The following UNC93A variants were observed in gnomAD, a reference collection of about 807,000 sequenced individuals.
The protein encoded by UNC93A is N-acetylglucosamine transporter UNC93A.
A neutral mutation model predicts 47.5 loss-of-function variants in UNC93A; 43 were observed. The observed-to-expected ratio is 0.91, with a 90% confidence interval of 0.71 to 1.17. UNC93A has a LOEUF of 1.17. Ranked by LOEUF, UNC93A falls within the 50% of genes most tolerant of loss-of-function variation. The pLI is 0.00. For missense variants in UNC93A, 605 were observed against 577.6 expected (o/e 1.05, Z -0.49); for synonymous variants, 280 against 258.0 (o/e 1.09, Z -0.82).
At chr6:167,273,537 A>G (rs1214536284) in intron 1 of UNC93A, among the ~76,000 whole-genome samples, 1 of 152,222 alleles carries the variant, frequency 6.6e-6, no homozygotes, top group Non-Finnish European at 1.5e-5. Flanking sequence ...GTCTATAAAA[A>G]GAGCCAAACT....
chr6:167,276,059 CTTTTCT>C (rs1325276519), intron 1 of UNC93A, among the ~76,000 whole-genome samples: 1 of 132,346 alleles, frequency 7.6e-6, no homozygotes, highest in Non-Finnish European at 1.6e-5. Flanking sequence ...TTTTTCTTTT[CTTTTCT>C]TTTTTTTTTT....
intron 1 of UNC93A, among the ~76,000 whole-genome samples, chr6:167,292,651 G>A (rs1003937799): frequency 5.9e-5 from 9 of 152,148 alleles, no homozygotes; most frequent in African/African-American, 1.9e-4. Context: ...TTTTCTTGCC[G>A]CAATGGTTCA....
intron 1 of UNC93A, among the ~76,000 whole-genome samples, chr6:167,273,959 C>T (rs772084369): frequency 3.9e-5 from 6 of 152,038 alleles, no homozygotes; most frequent in Non-Finnish European, 5.9e-5. Context: ...TTAAAATGTG[C>T]CAGAAACTTA....
chr6:167,269,217 C>T (rs561341696), upstream of UNC93A, among the ~76,000 whole-genome samples: 19 of 152,302 alleles, frequency 1.2e-4, no homozygotes, highest in African/African-American at 3.9e-4. Context: ...GCGAGTGAGG[C>T]GCCCGTGCTG....
intron 1 of UNC93A, among the ~76,000 whole-genome samples, chr6:167,282,839 T>C (rs1783656093): frequency 2.0e-5 from 3 of 152,174 alleles, no homozygotes; most frequent in Admixed American, 2.0e-4. Flanking sequence ...GGTTCAGTCC[T>C]GAAAGGCGAG....
In UNC93A at chr6:167,313,814, C is replaced by G. The variant is rs1046054688; in HGVS notation, c.1109-1373C>G. On this transcript the variant is annotated intron_variant, in intron 7 of 7. Coordinates refer to ENST00000230256, the MANE Select transcript of UNC93A (RefSeq NM_018974.4). ...TAGAACCTTGGTTTTGGATCCCATGCTAACAGTCACCATCAAAAAACAGAC... is the reference window on the plus strand; with the variant it reads ...TAGAACCTTGGTTTTGGATCCCATGGTAACAGTCACCATCAAAAAACAGAC... 2.0e-5 allele frequency among the ~76,000 whole-genome samples: 3 copies of G among 152,088 alleles called. No homozygotes were observed. In the East Asian group the frequency reaches 5.8e-4, roughly 29 times the overall value.
chr6:167,297,007 C>G (rs1310264921), intron 3 of UNC93A, among the ~76,000 whole-genome samples: 1 of 152,154 alleles, frequency 6.6e-6, no homozygotes, highest in African/African-American at 2.4e-5. Context: ...CTCCCTTTTT[C>G]TCATGCGATG....
Position 167,303,904 on chromosome 6 carries a change from G to T in UNC93A, c.626-15G>T. On this transcript the variant is annotated splice_polypyrimidine_tract_variant and intron_variant, in intron 4 of 7. Coordinates refer to ENST00000230256, the MANE Select transcript of UNC93A (RefSeq NM_018974.4). Reference sequence around the variant, plus strand: ...GGCCCCCATGAAAGCTGAAGCCTTTGCTATGTCCTTTCAGGGAGTGGTGTC... The same window carrying T: ...GGCCCCCATGAAAGCTGAAGCCTTTTCTATGTCCTTTCAGGGAGTGGTGTC... 3 of 1,613,742 alleles carry T rather than the reference G, an allele frequency of 1.9e-6. No homozygotes were observed. In the South Asian group the frequency reaches 3.3e-5, roughly 18 times the overall value.
At chr6:167,294,719 G>GGC in intron 2 of UNC93A, 21 bp downstream of exon 2, 1 of 1,562,250 alleles carries the variant, frequency 6.4e-7, no homozygotes, top group South Asian at 1.2e-5. Context: ...ACCACCCCCT[G>GGC]CCCACCCCAC....
chr6:167,291,549 A>G lies in UNC93A; in HGVS notation c.60A>G (p.Thr20=). ...VVSFGFLLLF[T]AYGGLQSLQS... ...CCTTTGGGTTCCTGCTTCTCTTTACAGCCTATGGAGGTCTGCAGAGCCTGC... is the reference window on the plus strand; with the variant it reads ...CCTTTGGGTTCCTGCTTCTCTTTACGGCCTATGGAGGTCTGCAGAGCCTGC... The change falls in exon 1 of 8, where the codon ACA becomes ACG. Residue 20 remains threonine, a synonymous_variant. Coordinates refer to ENST00000230256, the MANE Select transcript of UNC93A (RefSeq NM_018974.4). 2 of 1,613,658 alleles carry G rather than the reference A, an allele frequency of 1.2e-6. No individual in the cohort carries two copies. The highest frequency in any genetic ancestry group is 2.2e-5 in the South Asian group (2 of 90,886).
intron 1 of UNC93A, among the ~76,000 whole-genome samples, chr6:167,278,011 A>T (rs1042090847): frequency 2.0e-5 from 3 of 152,150 alleles, no homozygotes; most frequent in Non-Finnish European, 2.9e-5. Context: ...TTCTTCTTGA[A>T]GCATCCTCTA....
At chr6:167,278,007 T>C (rs1783572077) in intron 1 of UNC93A, among the ~76,000 whole-genome samples, 1 of 152,156 alleles carries the variant, frequency 6.6e-6, no homozygotes, top group South Asian at 2.1e-4. Flanking sequence ...CGCTTTCTTC[T>C]TGAAGCATCC....
chr6:167,295,689 C>A (rs1263738508), intron 2 of UNC93A, among the ~76,000 whole-genome samples: 2 of 135,230 alleles, frequency 1.5e-5, no homozygotes, highest in Non-Finnish European at 3.1e-5. Flanking sequence ...TGCTCCTCGC[C>A]TGCCTCGTGC....
chr6:167,297,928 C>A lies in UNC93A; in HGVS notation c.500-17C>A, dbSNP rs74607052. 6,907 of 1,612,734 alleles carry A rather than the reference C, an allele frequency of 4.3e-3. 307 individuals are homozygous for A. In the African/African-American group the frequency reaches 0.08, roughly 19 times the overall value. ...TTTGCCGTCATCTCATGTCTCCTGT[C>A]CACTCTGACTTCATAGAGACCCTTC... is the stretch of plus-strand genomic sequence containing the variant. On this transcript the variant is annotated splice_polypyrimidine_tract_variant and intron_variant, in intron 3 of 7. Coordinates refer to ENST00000230256, the MANE Select transcript of UNC93A (RefSeq NM_018974.4).
chr6:167,296,043 T>G lies in UNC93A; in HGVS notation c.281T>G (p.Ile94Ser), dbSNP rs757783469. 1 of 1,614,064 alleles carries G rather than the reference T, an allele frequency of 6.2e-7. No individual in the cohort carries two copies. Among genetic ancestry groups the G allele is most frequent in the Non-Finnish European group, 8.5e-7 (1 of 1,179,988 alleles). Residue 94 changes from isoleucine to serine, a missense_variant, in exon 3 of 8, where the codon ATC becomes AGC. By Grantham distance (142) the Ile-to-Ser change is moderately radical (BLOSUM62 -2). Transcript: ENST00000230256. ...CATTTTACCCACAGGTACACTTTGA[T>G]CCCCACCTCCATACTGCTGGGACTC... ...GNFFASWYTL[I>S]PTSILLGLGA...
chr6:167,288,634 A>C (rs1042765104), upstream of UNC93A, among the ~76,000 whole-genome samples: 10 of 152,184 alleles, frequency 6.6e-5, no homozygotes, highest in African/African-American at 2.2e-4. Context: ...TTTATTAACA[A>C]AGATTTCAGA....
chr6:167,282,957 T>C (rs1275120887), intron 1 of UNC93A, among the ~76,000 whole-genome samples: 2 of 151,972 alleles, frequency 1.3e-5, no homozygotes, highest in African/African-American at 4.8e-5. Context: ...TAGAAAGGAG[T>C]GTCTAGGTTC....
intron 6 of UNC93A, among the ~76,000 whole-genome samples, chr6:167,307,301 G>A (rs150604304): frequency 6.6e-5 from 10 of 152,306 alleles, no homozygotes; most frequent in African/African-American, 2.4e-4. Flanking sequence ...AGAGCTAGCA[G>A]CACGCATACA....
chr6:167,269,503 T>C (rs762875622), upstream of UNC93A, among the ~76,000 whole-genome samples: 1 of 152,120 alleles, frequency 6.6e-6, no homozygotes, highest in Non-Finnish European at 1.5e-5. Flanking sequence ...AGAATGACAA[T>C]GTGGCAAATA....
Sources: allele counts gnomAD v4.1 joint callset (sites outside exome capture counted in the v4.1 genomes callset), GRCh38; gene constraint gnomAD v4.1.1; transcripts MANE v1.5; gene names NCBI Gene and HGNC (gene_info 2026-07-23, HGNC 2026-07-21).